LOC128125822: variants seen among roughly 807,000 people sequenced by gnomAD.
the LOC128125822 span, chr6:63,579,159 T>C: frequency 3.6e-6 from 5 of 1,382,664 alleles, no homozygotes; most frequent in Non-Finnish European, 4.9e-6. Context: ...ATAGGAAGGG[T>C]GGTAGATAAT....
At chr6:63,575,420 A>G in the LOC128125822 span, among the ~76,000 whole-genome samples, 1 of 152,196 alleles carries the variant, frequency 6.6e-6, no homozygotes, top group African/African-American at 2.4e-5. Flanking sequence ...CCATGTACAT[A>G]TTTTAAAAAT....
At chr6:63,579,333 T>C in the LOC128125822 span, 1 of 1,586,998 alleles carries the variant, frequency 6.3e-7, no homozygotes, top group Non-Finnish European at 8.6e-7. Flanking sequence ...CATAAGACAG[T>C]AAGTAATGGA....
chr6:63,577,444 G>A, the LOC128125822 span, among the ~76,000 whole-genome samples: 34 of 152,164 alleles, frequency 2.2e-4, no homozygotes, highest in African/African-American at 8.0e-4. Context: ...TTTTTACTAG[G>A]AGAAAGGAAT....
chr6:63,576,132 AGAATATATAT>A, the LOC128125822 span, among the ~76,000 whole-genome samples: 10 of 150,328 alleles, frequency 6.7e-5, no homozygotes, highest in African/African-American at 1.9e-4. Context: ...ATAACTAGAT[AGAATATATAT>A]GAATATATAT....
chr6:63,573,827 G>C, the LOC128125822 span, among the ~76,000 whole-genome samples: 1 of 152,178 alleles, frequency 6.6e-6, no homozygotes, highest in African/African-American at 2.4e-5. Context: ...AGGACTTCCC[G>C]TCCGGGCACC....
chr6:63,576,684 G>A, the LOC128125822 span: 8 of 599,730 alleles, frequency 1.3e-5, no homozygotes, highest in East Asian at 1.1e-4. Context: ...GTTGGCCTCA[G>A]TATTACTGGA....
the LOC128125822 span, chr6:63,582,559 T>C: frequency 6.6e-6 from 1 of 152,602 alleles, no homozygotes; most frequent in Non-Finnish European, 1.5e-5. Flanking sequence ...CAAAGAGTTA[T>C]GAGTTGAAGT....
At chr6:63,579,411 C>A in the LOC128125822 span, 2 of 957,226 alleles carry the variant, frequency 2.1e-6, no homozygotes, top group Non-Finnish European at 1.5e-6. Context: ...GTCTAATAGC[C>A]CATTTAATCA....
At chr6:63,572,832 C>CG in the LOC128125822 span, 2 of 395,246 alleles carry the variant, frequency 5.1e-6, no homozygotes, top group African/African-American at 4.1e-5. Flanking sequence ...CCCCGGGTTG[C>CG]GGTTCCGGTG....
the LOC128125822 span, among the ~76,000 whole-genome samples, chr6:63,575,548 G>C: frequency 1.3e-5 from 2 of 152,126 alleles, no homozygotes; most frequent in African/African-American, 4.8e-5. Flanking sequence ...GGTTACAGTA[G>C]TTACCTTGCT....
chr6:63,579,311 T>C, the LOC128125822 span: 1 of 1,608,362 alleles, frequency 6.2e-7, no homozygotes, highest in Non-Finnish European at 8.5e-7. Flanking sequence ...AATACGAAGA[T>C]GCAGTACAAT....
chr6:63,580,008 C>A, the LOC128125822 span: 1 of 1,359,502 alleles, frequency 7.4e-7, no homozygotes, highest in Non-Finnish European at 1.0e-6. Context: ...CTAAATATTA[C>A]TGTAGGGGGC....
chr6:63,572,910 A>T, the LOC128125822 span, among the ~76,000 whole-genome samples: 4 of 152,078 alleles, frequency 2.6e-5, no homozygotes, highest in Non-Finnish European at 5.9e-5. Flanking sequence ...GTGCGGAGGC[A>T]GATGCCGGGC....
the LOC128125822 span, chr6:63,579,374 C>T: frequency 6.9e-7 from 1 of 1,457,710 alleles, no homozygotes; most frequent in Non-Finnish European, 9.4e-7. Context: ...TCTTTCATTT[C>T]CTTGTTGAGT....
At chr6:63,576,847 A>G in the LOC128125822 span, 9 of 1,536,536 alleles carry the variant, frequency 5.9e-6, no homozygotes, top group Admixed American at 1.7e-4. Context: ...TAATTATTTC[A>G]TAACCCTATT....
the LOC128125822 span, among the ~76,000 whole-genome samples, chr6:63,576,052 C>A: frequency 1.3e-5 from 2 of 150,658 alleles, no homozygotes; most frequent in Non-Finnish European, 3.0e-5. Flanking sequence ...AAGAAAACAA[C>A]TATCGAAAGG....
chr6:63,579,353 C>T, the LOC128125822 span: 1 of 1,531,854 alleles, frequency 6.5e-7, no homozygotes, highest in Admixed American at 1.9e-5. Flanking sequence ...ATTCTCTTTT[C>T]ATTTGTACTC....
the LOC128125822 span, chr6:63,582,464 A>G: frequency 6.6e-6 from 1 of 152,634 alleles, no homozygotes; most frequent in Non-Finnish European, 1.5e-5. Context: ...TTTGCTTTTT[A>G]TCCAAATATT....
At chr6:63,576,929 A>C in the LOC128125822 span, 2 of 1,613,960 alleles carry the variant, frequency 1.2e-6, no homozygotes, top group Non-Finnish European at 1.7e-6. Flanking sequence ...ATACAAGAAC[A>C]TGAGATTTCT....
Sources: gnomAD v4.1 joint callset for allele counts (sites outside exome capture counted in the v4.1 genomes callset) on GRCh38, gnomAD v4.1.1 for gene constraint, MANE v1.5 for transcripts.